Variants in TGM6 observed in about 807,000 individuals in gnomAD.
The protein encoded by TGM6 is protein-glutamine gamma-glutamyltransferase 6.
In TGM6, 74 loss-of-function variants were observed where a neutral mutation model predicts 77.5. The ratio of observed to expected loss-of-function variants is 0.96; its 90% CI spans 0.79 to 1.16. TGM6 has a LOEUF of 1.16. TGM6 is among the 50% of genes most tolerant of loss of function. The probability of loss-of-function intolerance (pLI) is 0.00; values close to 1 mark genes in which losing one functional copy is unlikely to be tolerated. For missense variants in TGM6, 968 were observed against 940.2 expected (o/e 1.03, Z -0.39); for synonymous variants, 383 against 378.9 (o/e 1.01, Z -0.12).
Position 2,432,475 on chromosome 20 carries a change from C to T in TGM6, c.1968-15C>T, listed in dbSNP as rs761465587. 3.1e-6 allele frequency: 5 copies of T among 1,613,610 alleles called. No homozygotes were observed. Among genetic ancestry groups the T allele is most frequent in the South Asian group, 2.2e-5 (2 of 91,056 alleles). On this transcript the variant is annotated splice_polypyrimidine_tract_variant and intron_variant, in intron 12 of 12. Transcript: ENST00000202625. ...AGGACTGACAGTCTGCCTTTCTCCC[C>T]TCCCCTTCCTCCAGCGTGCCTACCC... is the stretch of plus-strand genomic sequence containing the variant.
Position 2,400,405 on chromosome 20 carries a change from T to G in TGM6, c.950T>G (p.Phe317Cys), listed in dbSNP as rs774247170. 2 of 1,614,164 alleles carry G rather than the reference T, an allele frequency of 1.2e-6. No individual in the cohort carries two copies. The highest frequency in any genetic ancestry group is 2.2e-5 in the South Asian group (2 of 91,076). The change falls in exon 7 of 13, where the codon TTC becomes TGC. Residue 317 changes from phenylalanine (F) to cysteine (C), a missense_variant. Physicochemically the swap from Phe to Cys is radical, Grantham distance 205 (BLOSUM62 -2). Coordinates refer to ENST00000202625, the MANE Select transcript of TGM6 (RefSeq NM_198994.3). ...NLSVDKYVDS[F>C]GRTLEDLTED... is the part of the protein sequence containing the mutation. ...AGTGTGGACAAATACGTGGACTCCTTCGGGCGGACCCTGGAGGACCTGACA... is the reference window on the plus strand; with the variant it reads ...AGTGTGGACAAATACGTGGACTCCTGCGGGCGGACCCTGGAGGACCTGACA...
In TGM6 at chr20:2,417,229, C is replaced by CAAA; in HGVS notation, c.1337-2_1337-1insAAA. On this transcript the variant is annotated splice_region_variant and splice_polypyrimidine_tract_variant and intron_variant, in intron 9 of 12. Coordinates refer to ENST00000202625, the MANE Select transcript of TGM6 (RefSeq NM_198994.3). ...GCCGCTGACGTTGTGTGATGCCCTGCAGGGTCCCGGAAAGAGAGGCAGGTG... is the reference window on the plus strand; with the variant it reads ...GCCGCTGACGTTGTGTGATGCCCTGCAAAAGGGTCCCGGAAAGAGAGGCAGGTG... The CAAA allele has an allele frequency of 6.3e-7, 1 of 1,594,598 alleles. No homozygotes were observed. Among genetic ancestry groups the CAAA allele is most frequent in the Non-Finnish European group, 8.5e-7 (1 of 1,170,722 alleles).
At chr20:2,414,978 C>T (rs577672497) in intron 9 of TGM6, among the ~76,000 whole-genome samples, 2 of 149,606 alleles carry the variant, frequency 1.3e-5, no homozygotes, top group East Asian at 2.0e-4. Flanking sequence ...ATTGTGGTGA[C>T]GGGGTGCACA....
chr20:2,388,452 A>C (rs2084610038), intron 1 of TGM6, among the ~76,000 whole-genome samples: 1 of 152,178 alleles, frequency 6.6e-6, no homozygotes, highest in African/African-American at 2.4e-5. Context: ...CAGGAGGCAG[A>C]TTCCCAGCTC....
intron 12 of TGM6, among the ~76,000 whole-genome samples, chr20:2,432,151 C>T (rs1025783246): frequency 5.3e-5 from 8 of 152,090 alleles, no homozygotes; most frequent in South Asian, 4.1e-4. Flanking sequence ...CAGGTTCAAG[C>T]GATTCTCCTG....
intron 9 of TGM6, among the ~76,000 whole-genome samples, chr20:2,409,852 G>C (rs2084774100): frequency 6.6e-6 from 1 of 152,182 alleles, no homozygotes. Context: ...AACAAAACCA[G>C]TTGATTCTTT....
chr20:2,381,635 G>A (rs1404958088), intron 1 of TGM6, among the ~76,000 whole-genome samples: 1 of 152,212 alleles, frequency 6.6e-6, no homozygotes, highest in Non-Finnish European at 1.5e-5. Context: ...AGAAAATGTG[G>A]GTCGGGCACA....
At chr20:2,392,975 A>C (rs1260044700) in intron 1 of TGM6, among the ~76,000 whole-genome samples, 3 of 152,050 alleles carry the variant, frequency 2.0e-5, no homozygotes, top group Non-Finnish European at 4.4e-5. Context: ...CCCCCAGAGG[A>C]CCTCCTCATA....
At chr20:2,396,654 G>A (rs2084670343) in intron 4 of TGM6, 30 bp downstream of exon 4, 2 of 1,608,224 alleles carry the variant, frequency 1.2e-6, no homozygotes, top group East Asian at 2.2e-5. Context: ...AGACAAGGAT[G>A]TGGGCTGGGG....
intron 9 of TGM6, among the ~76,000 whole-genome samples, chr20:2,406,187 G>C (rs1040424953): frequency 1.3e-5 from 2 of 152,140 alleles, no homozygotes; most frequent in Admixed American, 6.5e-5. Flanking sequence ...TGGATGAGGG[G>C]ACTATGTGGT....
At position 2,430,538 on chromosome 20, in the gene TGM6, AC is replaced by A; in HGVS notation, c.1773del (p.Gly593GlufsTer12). The A allele has an allele frequency of 6.2e-7, 1 of 1,614,208 alleles. No homozygotes were observed. Among genetic ancestry groups the A allele is most frequent in the East Asian group, 2.2e-5 (1 of 44,878 alleles). On this transcript the variant is annotated frameshift_variant, in exon 11 of 13. Transcript: ENST00000202625. LOFTEE classifies it high-confidence loss of function. ...CCTGTTGGCTGCCATGTGCCTTGTCACCAAAGGAGAGAAGCTTCTGGTGGAG... is the reference window on the plus strand; with the variant it reads ...CCTGTTGGCTGCCATGTGCCTTGTCACAAAGGAGAGAAGCTTCTGGTGGAG... ...KILLAAMCLV[T>X]KGEKLLVEKD...
At chr20:2,381,013 CT>C in intron 1 of TGM6, 38 bp downstream of exon 1, 3 of 1,606,400 alleles carry the variant, frequency 1.9e-6, no homozygotes, top group Non-Finnish European at 2.5e-6. Context: ...GACACCAGGG[CT>C]CATGAGGGGG....
rs567145017 is a variant in TGM6 at position 2,384,746 on chromosome 20, G to C, written c.7+3771G>C. Among the ~76,000 whole-genome samples the C allele has an allele frequency of 1.2e-4, 19 of 152,340 alleles. No individual in the cohort carries two copies. The East Asian group carries it at 1.7e-3, about 14-fold the overall frequency. ...GCAGAGTGAAAGGAAGCGCTGAGAA[G>C]ACGATGAGAGGGAGAAGGGGAGGAG... On this transcript the variant is annotated intron_variant, in intron 1 of 12. Coordinates refer to ENST00000202625, the MANE Select transcript of TGM6 (RefSeq NM_198994.3).
rs376668997 is a variant in TGM6, at chr20:2,418,938, A to G, written c.1678+1365A>G. On this transcript the variant is annotated intron_variant, in intron 10 of 12. Coordinates refer to ENST00000202625, the MANE Select transcript of TGM6 (RefSeq NM_198994.3). ...AAAAATACAAGAAAATTAGCCGGGC[A>G]TGGTGGCACACGCCTGTAGTCCCAG... 3.3e-5 allele frequency among the ~76,000 whole-genome samples: 5 copies of G among 152,200 alleles called. No individual in the cohort carries two copies. The East Asian group carries it at 5.8e-4, about 18-fold the overall frequency.
chr20:2,419,493 T>C (rs1765905124), intron 10 of TGM6, among the ~76,000 whole-genome samples: 1 of 152,162 alleles, frequency 6.6e-6, no homozygotes, highest in Non-Finnish European at 1.5e-5. Flanking sequence ...TTTCAGCAAT[T>C]TTTTTCATAT....
chr20:2,420,030 G>A (rs538083573), intron 10 of TGM6, among the ~76,000 whole-genome samples: 1 of 152,122 alleles, frequency 6.6e-6, no homozygotes, highest in Non-Finnish European at 1.5e-5. Context: ...GGATCACGAG[G>A]TCAGGAGATG....
chr20:2,431,064 C>T lies in TGM6; in HGVS notation c.1967+37C>T, dbSNP rs184911989. 1.1e-3 allele frequency: 1,688 copies of T among 1,598,244 alleles called. 1 individual carries two copies. Among genetic ancestry groups the T allele is most frequent in the Non-Finnish European group, 1.3e-3 (1,525 of 1,175,446 alleles). On this transcript the variant is annotated intron_variant, in intron 12 of 12. Transcript: ENST00000202625. ...CCTGGGGGGCTGGCAGGGAATGGGG[C>T]TCTCTTCCTTGTGGATGAGCCAGAG...
chr20:2,398,616 C>T (rs1032610223), intron 5 of TGM6, among the ~76,000 whole-genome samples: 1 of 152,022 alleles, frequency 6.6e-6, no homozygotes, highest in East Asian at 1.9e-4. Context: ...GAAGTGGAAG[C>T]TCCCAGTCTT....
chr20:2,386,580 T>C (rs1427317747), intron 1 of TGM6, among the ~76,000 whole-genome samples: 1 of 152,122 alleles, frequency 6.6e-6, no homozygotes. Flanking sequence ...GTGAGTGAGC[T>C]ACCTCTCAGA....
Sources: gnomAD v4.1 joint callset for allele counts (sites outside exome capture counted in the v4.1 genomes callset) on GRCh38, gnomAD v4.1.1 for gene constraint, MANE v1.5 for transcripts, NCBI Gene and HGNC (gene_info 2026-07-23, HGNC 2026-07-21) for gene names.